Variants in GPR89B observed in about 807,000 individuals in gnomAD.
GPR89B encodes the protein G protein-coupled receptor 89B.
In GPR89B, 25 loss-of-function variants were observed where a neutral mutation model predicts 52.4. The observed-to-expected ratio is 0.48, with a 90% CI of 0.35 to 0.67. GPR89B has a LOEUF of 0.67. Among genes scored for constraint, GPR89B ranks in the 30% least tolerant of loss-of-function variants. GPR89B has a pLI of 0.01. For missense variants in GPR89B, 146 were observed against 450.2 expected, an observed-to-expected ratio of 0.32 and a Z score of 6.11; for synonymous variants, 52 against 151.2, an observed-to-expected ratio of 0.34 and a Z score of 4.81.
chr1:148,006,021 A>G, the GPR89B span, among the ~76,000 whole-genome samples: 1 of 152,142 alleles, frequency 6.6e-6, no homozygotes, highest in African/African-American at 2.4e-5. Context: ...TTCTCCCAAT[A>G]ATGTGAAACA....
At chr1:147,960,181 C>CA (rs1404369701) in intron 7 of GPR89B, among the ~76,000 whole-genome samples, 7 of 151,870 alleles carry the variant, frequency 4.6e-5, no homozygotes, top group Non-Finnish European at 7.3e-5. Context: ...TTACTAGTGC[C>CA]AAAAAAATTA....
At chr1:147,950,617 C>T (rs1351697608) in intron 5 of GPR89B, among the ~76,000 whole-genome samples, 5 of 152,170 alleles carry the variant, frequency 3.3e-5, no homozygotes, top group African/African-American at 4.8e-5. Flanking sequence ...GCCGAGATCA[C>T]GCCGCTGCAC....
chr1:147,947,905 T>G (rs587607685), intron 5 of GPR89B, among the ~76,000 whole-genome samples: 13 of 152,096 alleles, frequency 8.5e-5, no homozygotes, highest in Non-Finnish European at 5.9e-5. Flanking sequence ...ATAACAGAAT[T>G]TAGGTGAGGA....
At chr1:147,959,729 C>T (rs1472489728) in intron 7 of GPR89B, among the ~76,000 whole-genome samples, 3 of 152,076 alleles carry the variant, frequency 2.0e-5, no homozygotes, top group Non-Finnish European at 4.4e-5. Flanking sequence ...CCACGGTAAA[C>T]ACCAAAGAGT....
intron 7 of GPR89B, among the ~76,000 whole-genome samples, chr1:147,957,288 A>G (rs1434499727): frequency 6.6e-6 from 1 of 152,214 alleles, no homozygotes; most frequent in Non-Finnish European, 1.5e-5. Context: ...TCCTTGATCT[A>G]CAACTTAATG....
At chr1:147,948,996 A>C (rs1403013565) in intron 5 of GPR89B, among the ~76,000 whole-genome samples, 1 of 152,088 alleles carries the variant, frequency 6.6e-6, no homozygotes, top group Non-Finnish European at 1.5e-5. Flanking sequence ...CATCTGTTTA[A>C]CAAAGCACAT....
chr1:147,989,442 TA>T (rs1260074212), intron 12 of GPR89B, among the ~76,000 whole-genome samples: 24 of 150,724 alleles, frequency 1.6e-4, no homozygotes, highest in Non-Finnish European at 3.0e-4. Context: ...TTTTTTTTTT[TA>T]AATTATACTT....
intron 10 of GPR89B, among the ~76,000 whole-genome samples, chr1:147,973,277 A>G (rs1657605674): frequency 6.6e-6 from 1 of 152,024 alleles, no homozygotes; most frequent in African/African-American, 2.4e-5. Flanking sequence ...ATTCCCACCA[A>G]CAGTGTAAAA....
chr1:147,991,045 G>T (rs1465802299), intron 12 of GPR89B, among the ~76,000 whole-genome samples: 6 of 151,124 alleles, frequency 4.0e-5, no homozygotes, highest in Non-Finnish European at 7.4e-5. Flanking sequence ...GGGCAGTATG[G>T]CCATTTTCAT....
At chr1:148,020,797 C>T in the GPR89B span, among the ~76,000 whole-genome samples, 3 of 152,074 alleles carry the variant, frequency 2.0e-5, no homozygotes, top group African/African-American at 4.8e-5. Flanking sequence ...AAGAGATTCT[C>T]ATGCCTCAGC....
intron 9 of GPR89B, chr1:147,969,358 A>G (rs1181175557): frequency 1.8e-5 from 4 of 226,470 alleles, no homozygotes; most frequent in Admixed American, 5.1e-5. Context: ...ATCCAGATCA[A>G]TAAGTGTCGA....
At chr1:147,953,502 A>G in intron 6 of GPR89B, 37 bp downstream of exon 6, 1 of 424,668 alleles carries the variant, frequency 2.4e-6, no homozygotes, top group Non-Finnish European at 4.0e-6. Context: ...TTTTTGCCCC[A>G]TTACTTCTTG....
At position 147,952,682 on chromosome 1, in the gene GPR89B, C is replaced by T. The variant is rs1363791925; in HGVS notation, c.416-663C>T. On this transcript the variant is annotated intron_variant, in intron 5 of 13. Coordinates refer to ENST00000314163, the MANE Select transcript of GPR89B (RefSeq NM_016334.5). ...AGTTATTCTTCAGCATTGGCTTTCTCTCATTTATCCCAAATACATCAACCA... is the reference window on the plus strand; with the variant it reads ...AGTTATTCTTCAGCATTGGCTTTCTTTCATTTATCCCAAATACATCAACCA... Among the ~76,000 whole-genome samples the T allele has an allele frequency of 9.9e-5, 15 of 152,144 alleles. 1 individual carries two copies. The highest frequency in any genetic ancestry group is 3.6e-4 in the African/African-American group (15 of 41,410).
Position 147,938,866 on chromosome 1 carries a change from C to G in GPR89B, c.206+49C>G. 7 of 1,446,502 alleles carry G rather than the reference C, an allele frequency of 4.8e-6. No homozygotes were observed. The East Asian group carries it at 7.1e-5, about 15-fold the overall frequency. 89.6% of individuals were successfully genotyped at this position (1,446,502 alleles called of 1,614,324 possible). A position where few individuals can be genotyped will look rare whatever the true frequency, so the allele number is the denominator to read the frequency against. ...CTCTTGAAGAGTTCTGTGCTACATT[C>G]TTTACAGTGGAAAAGCTATTGGATC... is the stretch of plus-strand genomic sequence containing the variant. On this transcript the variant is annotated intron_variant, in intron 3 of 13. Transcript: ENST00000314163.
the GPR89B span, chr1:148,011,106 TG>T: frequency 6.6e-6 from 1 of 152,174 alleles, no homozygotes; most frequent in Admixed American, 6.5e-5. Context: ...GCGGGAGACC[TG>T]GGTTCAACTC....
the GPR89B span, among the ~76,000 whole-genome samples, chr1:147,999,429 A>G: frequency 6.8e-6 from 1 of 147,054 alleles, no homozygotes; most frequent in East Asian, 2.0e-4. Flanking sequence ...CAACATGGTA[A>G]AACTACTAAA....
intron 12 of GPR89B, among the ~76,000 whole-genome samples, chr1:147,991,053 C>T (rs1247959514): frequency 6.6e-6 from 1 of 151,006 alleles, no homozygotes; most frequent in Non-Finnish European, 1.5e-5. Flanking sequence ...TGGCCATTTT[C>T]ATGATATTGA....
At chr1:147,989,948 G>T (rs1347640886) in intron 12 of GPR89B, among the ~76,000 whole-genome samples, 1 of 152,188 alleles carries the variant, frequency 6.6e-6, no homozygotes, top group Non-Finnish European at 1.5e-5. Flanking sequence ...CTTTATAGCA[G>T]CATGATTTAT....
chr1:147,994,782 G>A (rs1240471849), downstream of GPR89B, among the ~76,000 whole-genome samples: 10 of 151,814 alleles, frequency 6.6e-5, no homozygotes, highest in East Asian at 1.9e-3. Context: ...ATACAAATCA[G>A]TGGGCATTGT....
Sources: allele counts gnomAD v4.1 joint callset (sites outside exome capture counted in the v4.1 genomes callset), GRCh38; gene constraint gnomAD v4.1.1; transcripts MANE v1.5; gene names NCBI Gene and HGNC (gene_info 2026-07-23, HGNC 2026-07-21).